POLR1E: variants seen among roughly 807,000 people sequenced by gnomAD.
POLR1E encodes DNA-directed RNA polymerase I subunit RPA49.
POLR1E carries 37 observed loss-of-function variants against 50.9 expected under a neutral mutation model. The ratio of observed to expected loss-of-function variants is 0.73; its 90% CI spans 0.56 to 0.96. The LOEUF is 0.96. POLR1E is among the 40% of genes least tolerant of loss of function. The pLI is 0.00. For missense variants in POLR1E, 426 were observed against 518.1 expected (o/e 0.82, Z 1.73); for synonymous variants, 166 against 191.6 (o/e 0.87, Z 1.10).
At chr9:37,498,768 C>T (rs755638387) in intron 9 of POLR1E, among the ~76,000 whole-genome samples, 4 of 152,130 alleles carry the variant, frequency 2.6e-5, no homozygotes, top group Non-Finnish European at 4.4e-5. Context: ...GAGTTGGAAA[C>T]CCAGAAGATG....
chr9:37,498,348 G>A, intron 9 of POLR1E, 124 bp downstream of exon 9: 1 of 1,072,830 alleles, frequency 9.3e-7, no homozygotes, highest in South Asian at 1.7e-5. Flanking sequence ...TGTCAACTGT[G>A]AGATTCATTC....
Position 37,489,204 on chromosome 9 carries a change from C to T in POLR1E, c.258-111C>T, listed in dbSNP as rs532000178. The T allele has an allele frequency of 4.4e-4, 336 of 772,000 alleles. No individual in the cohort carries two copies. The African/African-American group carries it at 5.5e-3, about 13-fold the overall frequency. The allele number at this position is 772,000 out of a possible 1,614,324, so 47.8% of individuals were successfully genotyped here. On this transcript the variant is annotated intron_variant, in intron 3 of 11. Transcript: ENST00000377798. ...AGTGAGCCGAGATCATGCCACTCCA[C>T]TCCAGCCTGGGTGACAGCAAGACTC...
chr9:37,486,097 C>T lies in POLR1E; in HGVS notation c.50C>T (p.Pro17Leu). The T allele has an allele frequency of 6.2e-7, 1 of 1,601,580 alleles. No homozygotes were observed. The highest frequency in any genetic ancestry group is 8.5e-7 in the Non-Finnish European group (1 of 1,175,420). Reference protein sequence around the residue: ...PSARWQYCGAPDGSQRAVLVQ... With the variant: ...PSARWQYCGALDGSQRAVLVQ... ...GCGAGGTGGCAGTATTGTGGGGCGCCCGACGGGAGCCAGAGAGCTGTACTG... is the reference window on the plus strand; with the variant it reads ...GCGAGGTGGCAGTATTGTGGGGCGCTCGACGGGAGCCAGAGAGCTGTACTG... Residue 17 changes from proline (P) to leucine (L), a missense_variant, in exon 1 of 12, where the codon CCC becomes CTC. By Grantham distance (98) the Pro-to-Leu change is moderately conservative. Coordinates refer to ENST00000377798, the MANE Select transcript of POLR1E (RefSeq NM_022490.4).
chr9:37,492,859 G>C, intron 5 of POLR1E, 144 bp downstream of exon 5: 1 of 728,794 alleles, frequency 1.4e-6, no homozygotes, highest in South Asian at 1.7e-5. Context: ...TGGACAATTA[G>C]TTTGTACCTG....
At chr9:37,490,276 T>G (rs1440666980) in intron 4 of POLR1E, 3 of 365,478 alleles carry the variant, frequency 8.2e-6, no homozygotes, top group South Asian at 4.5e-5. Flanking sequence ...TACATTAAAT[T>G]TGAAGAGTAA....
At chr9:37,494,578 C>T (rs1284084242) in intron 6 of POLR1E, among the ~76,000 whole-genome samples, 1 of 152,118 alleles carries the variant, frequency 6.6e-6, no homozygotes, top group Admixed American at 6.5e-5. Context: ...GCTGGGATCA[C>T]AGATGTGTGC....
At chr9:37,486,634 C>T (rs753310909) in intron 1 of POLR1E, 69 bp from the exon 2 acceptor site, 18 of 1,614,034 alleles carry the variant, frequency 1.1e-5, no homozygotes, top group Admixed American at 1.7e-5. Flanking sequence ...AGTCTAGTCC[C>T]ACCGTACATT....
intron 4 of POLR1E, among the ~76,000 whole-genome samples, chr9:37,491,432 A>T (rs34112340): frequency 0.015 from 2,269 of 151,922 alleles, 52 homozygotes; most frequent in African/African-American, 0.052. Context: ...ATACATATAT[A>T]TGGGATTTTT....
intron 10 of POLR1E, among the ~76,000 whole-genome samples, chr9:37,501,302 CT>C (rs1214910252): frequency 6.6e-6 from 1 of 152,256 alleles, no homozygotes; most frequent in African/African-American, 2.4e-5. Context: ...GGCCCTGCCC[CT>C]GGGCTTCCTT....
At chr9:37,501,938 A>G (rs1280419235) in intron 11 of POLR1E, 94 bp downstream of exon 11, 1 of 1,354,550 alleles carries the variant, frequency 7.4e-7, no homozygotes, top group South Asian at 1.4e-5. Context: ...AAGGGAACTG[A>G]GGATGTTTAA....
chr9:37,492,427 G>C, intron 4 of POLR1E: 1 of 970,880 alleles, frequency 1.0e-6, no homozygotes, highest in South Asian at 1.4e-5. Flanking sequence ...AAAATGAAGA[G>C]GTTGGGCTGG....
intron 1 of POLR1E, 186 bp from the exon 2 acceptor site, chr9:37,486,517 A>G (rs1270895501): frequency 6.4e-7 from 1 of 1,557,136 alleles, no homozygotes; most frequent in East Asian, 2.4e-5. Context: ...GGGTTCTCCC[A>G]CCTCCCTACC....
chr9:37,496,499 G>A (rs894808001), intron 8 of POLR1E, among the ~76,000 whole-genome samples: 7 of 151,110 alleles, frequency 4.6e-5, no homozygotes, highest in Non-Finnish European at 1.0e-4. Flanking sequence ...TTGCTTTTGA[G>A]TTTTTTCTTT....
At position 37,503,127 on chromosome 9, in the gene POLR1E, G is replaced by A. The variant is rs7047823; in HGVS notation, c.1185G>A (p.Lys395=). The change falls in exon 12 of 12, where the codon AAG becomes AAA. Residue 395 remains lysine (K), a synonymous_variant. Coordinates refer to ENST00000377798, the MANE Select transcript of POLR1E (RefSeq NM_022490.4). ...SVAAGSEEDH[K]LGTLSLPLPP... The stretch of plus-strand genomic sequence containing the variant: ...CCGCCGGCAGTGAAGAAGATCACAA[G>A]CTGGGCACCCTGTCCCTCCCGCTGC... 1 allele frequency: 1,613,866 copies of A among 1,614,072 alleles called. 806,830 individuals are homozygous for A. The highest frequency in any genetic ancestry group is 1 in the Non-Finnish European group (1,180,034 of 1,180,034).
chr9:37,488,000 G>C (rs772661072), intron 3 of POLR1E, 61 bp downstream of exon 3: 1 of 1,520,512 alleles, frequency 6.6e-7, no homozygotes, highest in Non-Finnish European at 9.1e-7. Context: ...GGCAGCACTG[G>C]CACTGCTGTT....
chr9:37,501,915 A>G, intron 11 of POLR1E, 71 bp downstream of exon 11: 3 of 1,495,826 alleles, frequency 2.0e-6, no homozygotes, highest in South Asian at 1.3e-5. Context: ...ACTGGAAAGC[A>G]TGAGGCACCA....
At position 37,489,531 on chromosome 9, in the gene POLR1E, TTGTC is replaced by T. The variant is rs1820643112; in HGVS notation, c.343+135_343+138del. 1.6e-5 allele frequency: 11 copies of T among 671,498 alleles called. No individual in the cohort carries two copies. In the South Asian group the frequency reaches 2.2e-4, roughly 14 times the overall value. The allele number at this position is 671,498 out of a possible 1,614,324, so 41.6% of individuals were successfully genotyped here. A position where few individuals can be genotyped will look rare whatever the true frequency, so the allele number is the denominator to read the frequency against. The stretch of plus-strand genomic sequence containing the variant: ...ATTTATTTATTCTGTTTTTTCTGCT[TTGTC>T]TGTGTTGAGAAAATGGTTTTTTATA... On this transcript the variant is annotated intron_variant, in intron 4 of 11. Transcript: ENST00000377798.
At chr9:37,496,236 G>T (rs1192761370) in intron 8 of POLR1E, among the ~76,000 whole-genome samples, 1 of 152,174 alleles carries the variant, frequency 6.6e-6, no homozygotes, top group Non-Finnish European at 1.5e-5. Context: ...TCTACTCTGG[G>T]GCTGGGAACT....
chr9:37,497,173 T>C (rs956356989), intron 8 of POLR1E, among the ~76,000 whole-genome samples: 4 of 152,112 alleles, frequency 2.6e-5, no homozygotes, highest in African/African-American at 7.2e-5. Context: ...GTGACCAACA[T>C]GGAGAAACCT....
Sources: gnomAD v4.1 joint callset for allele counts (sites outside exome capture counted in the v4.1 genomes callset) on GRCh38, gnomAD v4.1.1 for gene constraint, MANE v1.5 for transcripts, NCBI Gene and HGNC (gene_info 2026-07-23, HGNC 2026-07-21) for gene names.